DDR2: variants seen among roughly 807,000 people sequenced by gnomAD.
DDR2 encodes the protein discoidin domain receptor tyrosine kinase 2.
DDR2 carries 27 observed loss-of-function variants against 94.9 expected under a neutral mutation model. The ratio of observed to expected loss-of-function variants is 0.28; its 90% CI spans 0.21 to 0.39. The LOEUF is 0.39. DDR2 is among the 10% of genes least tolerant of loss of function. The pLI is 1.00. For synonymous variants in DDR2, 382 were observed against 377.2 expected, an observed-to-expected ratio of 1.01 and a Z score of -0.15; for missense variants, 783 against 1,076.0, an observed-to-expected ratio of 0.73 and a Z score of 3.81.
chr1:162,762,277 T>C (rs923879261), intron 9 of DDR2, among the ~76,000 whole-genome samples: 3 of 152,230 alleles, frequency 2.0e-5, no homozygotes, highest in African/African-American at 7.2e-5. Flanking sequence ...CTGTTCTCTG[T>C]CATTCCTAAT....
chr1:162,631,640 G>T (rs1047267325), upstream of DDR2, among the ~76,000 whole-genome samples: 5 of 152,188 alleles, frequency 3.3e-5, no homozygotes, highest in African/African-American at 1.2e-4. Flanking sequence ...GGATGGAGAG[G>T]GTTATTAGTT....
intron 2 of DDR2, among the ~76,000 whole-genome samples, chr1:162,681,525 G>A (rs531488712): frequency 6.6e-6 from 1 of 152,120 alleles, no homozygotes; most frequent in East Asian, 1.9e-4. Flanking sequence ...CCATATGCAG[G>A]GTGACTTATA....
intron 3 of DDR2, among the ~76,000 whole-genome samples, chr1:162,740,857 G>A (rs938187004): frequency 4.6e-5 from 7 of 152,260 alleles, no homozygotes; most frequent in African/African-American, 1.4e-4. Context: ...TGAACACAGC[G>A]TTGGTTTCAG....
intron 2 of DDR2, among the ~76,000 whole-genome samples, chr1:162,697,806 G>C (rs1332975782): frequency 6.6e-6 from 1 of 152,178 alleles, no homozygotes; most frequent in Non-Finnish European, 1.5e-5. Flanking sequence ...ACTGAGGCTT[G>C]AGTGTTAAGG....
At chr1:162,708,860 T>G (rs1660770415) in intron 2 of DDR2, among the ~76,000 whole-genome samples, 2 of 152,190 alleles carry the variant, frequency 1.3e-5, no homozygotes, top group Non-Finnish European at 2.9e-5. Flanking sequence ...TGTTAATGGA[T>G]ACAGAAATAA....
At chr1:162,755,372 C>A (rs2102137420) in intron 6 of DDR2, 69 bp downstream of exon 6, 1 of 1,584,886 alleles carries the variant, frequency 6.3e-7, no homozygotes, top group Non-Finnish European at 8.6e-7. Flanking sequence ...TGAAGGCAAT[C>A]AAATCAGAAA....
chr1:162,643,894 A>G (rs963676853), intron 1 of DDR2, among the ~76,000 whole-genome samples: 4 of 152,192 alleles, frequency 2.6e-5, no homozygotes, highest in African/African-American at 7.2e-5. Flanking sequence ...GAAGCCTGGG[A>G]AGGAGTTCTT....
intron 7 of DDR2, among the ~76,000 whole-genome samples, chr1:162,758,440 A>G (rs1663561893): frequency 6.6e-6 from 1 of 152,204 alleles, no homozygotes. Flanking sequence ...CACTTGATTT[A>G]ATTTTGACCA....
intron 1 of DDR2, among the ~76,000 whole-genome samples, chr1:162,640,651 T>C (rs893019436): frequency 1.3e-5 from 2 of 152,230 alleles, no homozygotes; most frequent in Non-Finnish European, 2.9e-5. Flanking sequence ...AGCATCTGTA[T>C]TTTAAAATGC....
chr1:162,772,123 G>A lies in DDR2; in HGVS notation c.1604G>A (p.Gly535Asp), dbSNP rs752400564. The A allele has an allele frequency of 6.2e-7, 1 of 1,614,206 alleles. No homozygotes were observed. The highest frequency in any genetic ancestry group is 1.7e-5 in the Admixed American group (1 of 60,020). Residue 535 changes from glycine (G) to aspartate (D), a missense_variant, in exon 13 of 18, where the codon GGC becomes GAC. Physicochemically the swap from Gly to Asp is moderately conservative, Grantham distance 94. Transcript: ENST00000367921. Reference protein sequence around the residue: ...DIVNLQGVTGGNTYSVPAVTM... With the variant: ...DIVNLQGVTGDNTYSVPAVTM... The stretch of plus-strand genomic sequence containing the variant: ...GTGAACCTCCAAGGAGTGACAGGAG[G>A]CAACACATACTCAGTGCCTGCCGTC...
At chr1:162,657,294 A>G (rs557427253) in intron 2 of DDR2, among the ~76,000 whole-genome samples, 2 of 152,302 alleles carry the variant, frequency 1.3e-5, no homozygotes, top group South Asian at 4.1e-4. Flanking sequence ...TGGCTCCTCC[A>G]GGAAGAGTCC....
At chr1:162,643,415 G>A (rs1657245063) in intron 1 of DDR2, among the ~76,000 whole-genome samples, 1 of 152,130 alleles carries the variant, frequency 6.6e-6, no homozygotes. Flanking sequence ...CCCTTTCACT[G>A]CTGACCTCAT....
intron 1 of DDR2, among the ~76,000 whole-genome samples, chr1:162,636,851 G>C (rs935059333): frequency 6.6e-6 from 1 of 151,996 alleles, no homozygotes; most frequent in Non-Finnish European, 1.5e-5. Flanking sequence ...AAATAATCTA[G>C]CATTTTTGCA....
chr1:162,771,988 C>G, intron 12 of DDR2, 36 bp from the exon 13 acceptor site: 1 of 1,561,296 alleles, frequency 6.4e-7, no homozygotes, highest in Non-Finnish European at 8.7e-7. Context: ...CAAAGACACT[C>G]CACGGAATGA....
intron 3 of DDR2, chr1:162,741,840 G>T (rs111687517): frequency 1.9e-5 from 14 of 737,142 alleles, no homozygotes; most frequent in Non-Finnish European, 1.8e-5. Context: ...TATTCATTAA[G>T]TCACTGGTGA....
chr1:162,741,102 C>A (rs1662564220), intron 3 of DDR2, among the ~76,000 whole-genome samples: 1 of 151,298 alleles, frequency 6.6e-6, no homozygotes, highest in Non-Finnish European at 1.5e-5. Context: ...ATGAGTATCC[C>A]TTATCTAAAA....
rs1648068271 is a variant in DDR2 at position 162,784,475 on chromosome 1, T to A, written c.*4229T>A. 1.3e-5 allele frequency: 2 copies of A among 153,124 alleles called. No individual in the cohort carries two copies. The highest frequency in any genetic ancestry group is 6.6e-5 in the Admixed American group (1 of 15,186). 9.5% of individuals were successfully genotyped at this position (153,124 alleles called of 1,614,324 possible). ...TTCTTCATCTCCAGGAAGATGCAGATCCTTATTTTTGCTGGGAAATCCTTC... is the reference window on the plus strand; with the variant it reads ...TTCTTCATCTCCAGGAAGATGCAGAACCTTATTTTTGCTGGGAAATCCTTC... On this transcript the variant is annotated 3_prime_UTR_variant, in exon 18 of 18. Coordinates refer to ENST00000367921, the MANE Select transcript of DDR2 (RefSeq NM_006182.4).
At chr1:162,725,769 GAGACCC>G (rs1661635701) in intron 3 of DDR2, among the ~76,000 whole-genome samples, 1 of 152,214 alleles carries the variant, frequency 6.6e-6, no homozygotes, top group Non-Finnish European at 1.5e-5. Flanking sequence ...ATGGGCTACA[GAGACCC>G]GTGAATCCCC....
rs182917110 is a variant in DDR2, at chr1:162,672,807, G to C, written c.-28+17433G>C. ...TCTGGCGGCCATTCTCATGAGGATG[G>C]ACTGTGCTGACTGATCTCAGTGAAA... On this transcript the variant is annotated intron_variant, in intron 2 of 17. Coordinates refer to ENST00000367921, the MANE Select transcript of DDR2 (RefSeq NM_006182.4). Among the ~76,000 whole-genome samples, 3 of 152,190 alleles carry C rather than the reference G, an allele frequency of 2.0e-5. No individual in the cohort carries two copies. The East Asian group carries it at 5.8e-4, about 29-fold the overall frequency.
Sources: allele counts gnomAD v4.1 joint callset (sites outside exome capture counted in the v4.1 genomes callset), GRCh38; gene constraint gnomAD v4.1.1; transcripts MANE v1.5; gene names NCBI Gene and HGNC (gene_info 2026-07-23, HGNC 2026-07-21).